ACOT11: variants seen among roughly 807,000 people sequenced by gnomAD.
The protein encoded by ACOT11 is acyl-CoA thioesterase 11, also known as acyl-coenzyme A thioesterase 11.
A neutral mutation model predicts 77.5 loss-of-function variants in ACOT11; 69 were observed. The observed-to-expected ratio is 0.89, with a 90% CI of 0.73 to 1.09. ACOT11 has a LOEUF of 1.09. Ranked by LOEUF, ACOT11 falls within the 50% of genes least tolerant of loss-of-function variation. The probability of loss-of-function intolerance (pLI) is 0.00; values close to 1 mark genes in which losing one functional copy is unlikely to be tolerated. For missense variants in ACOT11, 766 were observed against 813.7 expected, an observed-to-expected ratio of 0.94 and a Z score of 0.71; for synonymous variants, 279 against 313.0, an observed-to-expected ratio of 0.89 and a Z score of 1.15.
downstream of ACOT11, chr1:54,612,452 C>G (rs1369735668): frequency 6.5e-7 from 1 of 1,531,456 alleles, no homozygotes; most frequent in Admixed American, 1.7e-5. Flanking sequence ...ATCAGTGCCT[C>G]CAGGAGGGTG....
At chr1:54,573,079 A>G (rs748402339) in intron 1 of ACOT11, 1 of 985,332 alleles carries the variant, frequency 1.0e-6, no homozygotes, top group African/African-American at 1.7e-5. Context: ...CAGAGGACAT[A>G]AGGGTAGACA....
chr1:54,562,574 G>T (rs1328780983), intron 1 of ACOT11, among the ~76,000 whole-genome samples: 1 of 148,280 alleles, frequency 6.7e-6, no homozygotes, highest in African/African-American at 2.5e-5. Context: ...CCCGGACGGG[G>T]TGGCTGCCGG....
rs779276330 is a variant in ACOT11, at chr1:54,571,071, C to CTCTCTCTCTCTCTCTCT, written c.34-13583_34-13582insCTCTCTCTCTCTCTCTT. ...ATCCCAATTATGATATTCTCTCTCT[C>CTCTCTCTCTCTCTCTCT]TTTTTTTTTTTTTTTTAAAGAGACA... On this transcript the variant is annotated intron_variant, in intron 1 of 15. Coordinates refer to ENST00000343744, the MANE Select transcript of ACOT11 (RefSeq NM_147161.4). Among the ~76,000 whole-genome samples, 707 of 141,810 alleles carry CTCTCTCTCTCTCTCTCT rather than the reference C, an allele frequency of 5.0e-3. 5 individuals are homozygous for CTCTCTCTCTCTCTCTCT. The highest frequency in any genetic ancestry group is 0.018 in the African/African-American group (672 of 37,886). The allele number at this position is 141,810 out of a possible 152,430, so 93.0% of individuals were successfully genotyped here.
chr1:54,602,235 C>T (rs139622329), intron 9 of ACOT11, among the ~76,000 whole-genome samples: 6 of 152,232 alleles, frequency 3.9e-5, no homozygotes, highest in Non-Finnish European at 5.9e-5. Flanking sequence ...AAGCCCTCAC[C>T]CTTCCTTGTC....
downstream of ACOT11, chr1:54,614,694 A>G: frequency 1.2e-6 from 2 of 1,608,216 alleles, no homozygotes; most frequent in South Asian, 1.1e-5. Context: ...AGAGGCGAAC[A>G]CTCACTGTGT....
chr1:54,609,394 A>T lies in ACOT11; in HGVS notation c.*282A>T. ...TCCTCACAGAGGCATAGTCGCCCCC[A>T]GCTGGGTTGTGCTCCACTGTGACGG... is the stretch of plus-strand genomic sequence containing the variant. On this transcript the variant is annotated 3_prime_UTR_variant, in exon 16 of 16. Transcript: ENST00000343744. The T allele has an allele frequency of 6.2e-7, 1 of 1,614,078 alleles. No individual in the cohort carries two copies. The highest frequency in any genetic ancestry group is 8.5e-7 in the Non-Finnish European group (1 of 1,180,024).
At chr1:54,567,902 CTT>C (rs1285511936) in intron 1 of ACOT11, among the ~76,000 whole-genome samples, 2 of 152,202 alleles carry the variant, frequency 1.3e-5, no homozygotes, top group East Asian at 3.8e-4. Flanking sequence ...GCAGAGTGAT[CTT>C]ACAACGCAGG....
chr1:54,606,886 A>G (rs1644032368), intron 13 of ACOT11, among the ~76,000 whole-genome samples: 1 of 152,160 alleles, frequency 6.6e-6, no homozygotes, highest in African/African-American at 2.4e-5. Context: ...CTTTGTTCCC[A>G]TGTCTGTGTG....
chr1:54,633,508 G>A (rs1644313311), intron 16 of ACOT11, among the ~76,000 whole-genome samples: 2 of 152,144 alleles, frequency 1.3e-5, no homozygotes, highest in African/African-American at 2.4e-5. Flanking sequence ...CTTTAGCTGA[G>A]CAAGACTGCG....
intron 15 of ACOT11, chr1:54,628,246 T>C (rs1227422737): frequency 7.5e-6 from 1 of 134,208 alleles, no homozygotes; most frequent in Non-Finnish European, 1.7e-5. Flanking sequence ...TCAGGCTGTG[T>C]TATGTGGGTT....
In ACOT11 at chr1:54,584,867, G is replaced by A; in HGVS notation, c.241+5G>A. On this transcript the variant is annotated splice_donor_5th_base_variant and intron_variant, in intron 2 of 15. Coordinates refer to ENST00000343744, the MANE Select transcript of ACOT11 (RefSeq NM_147161.4). The surrounding 1 kb of genome is among the most constrained non-coding windows in gnomAD (Gnocchi z 6.3). ...ACACCACGGCTTGCCTGTCCGGTAA[G>A]GCTGCGCTCCCCATGGTTCCCTACC... is the stretch of plus-strand genomic sequence containing the variant. The A allele has an allele frequency of 6.2e-7, 1 of 1,609,880 alleles. No individual in the cohort carries two copies. Among genetic ancestry groups the A allele is most frequent in the Non-Finnish European group, 8.5e-7 (1 of 1,177,968 alleles).
At chr1:54,625,917 C>T (rs1217477684) in intron 15 of ACOT11, among the ~76,000 whole-genome samples, 2 of 121,108 alleles carry the variant, frequency 1.7e-5, no homozygotes, top group South Asian at 5.2e-4. Flanking sequence ...CCAGCCTGGG[C>T]AACAAGAGTG....
At chr1:54,582,421 C>CTA in intron 1 of ACOT11, 1 of 985,310 alleles carries the variant, frequency 1.0e-6, no homozygotes, top group Non-Finnish European at 1.2e-6. Context: ...TTTGTATTCT[C>CTA]TATCTTTGCC....
At chr1:54,554,333 G>GTGTA (rs1324068229) in intron 1 of ACOT11, among the ~76,000 whole-genome samples, 38 of 96,384 alleles carry the variant, frequency 3.9e-4, no homozygotes, top group South Asian at 8.1e-4. Flanking sequence ...GTGTGTGTGT[G>GTGTA]TATATATATA....
At chr1:54,634,997 A>G (rs1001892140) in exon 17 of ACOT11, 20 of 445,382 alleles carry the variant, frequency 4.5e-5, no homozygotes, top group Non-Finnish European at 7.1e-5. Context: ...TATTCCTTCA[A>G]TAAGGGCTGG....
intron 3 of ACOT11, among the ~76,000 whole-genome samples, chr1:54,591,476 A>T (rs1375509889): frequency 1.3e-5 from 2 of 152,160 alleles, no homozygotes; most frequent in Non-Finnish European, 2.9e-5. Context: ...CTTGGAATGG[A>T]CCCTTCCTAG....
At chr1:54,608,092 G>A (rs754053972) in intron 15 of ACOT11, 24 bp downstream of exon 15, 3 of 1,598,188 alleles carry the variant, frequency 1.9e-6, no homozygotes, top group Admixed American at 3.4e-5. Context: ...CCCCAACCAC[G>A]CCCCCAGCCT....
At chr1:54,565,019 C>T (rs1653687105) in intron 1 of ACOT11, among the ~76,000 whole-genome samples, 1 of 152,116 alleles carries the variant, frequency 6.6e-6, no homozygotes. Flanking sequence ...GAAGAGAGTC[C>T]AAGGGGAAAA....
intron 3 of ACOT11, among the ~76,000 whole-genome samples, chr1:54,590,790 C>T (rs781372426): frequency 5.3e-5 from 8 of 152,066 alleles, no homozygotes; most frequent in Admixed American, 3.3e-4. Context: ...AGTCTCACTC[C>T]GTCACCCAGC....
Sources: gnomAD v4.1 joint callset for allele counts (sites outside exome capture counted in the v4.1 genomes callset) on GRCh38, gnomAD v4.1.1 for gene constraint, Gnocchi (gnomAD v3.1) non-coding constraint, MANE v1.5 for transcripts, NCBI Gene and HGNC (gene_info 2026-07-23, HGNC 2026-07-21) for gene names.